Variants in KCNC4 observed in about 807,000 individuals in gnomAD.
KCNC4 encodes the protein voltage-gated potassium channel KCNC4.
KCNC4 carries 23 observed loss-of-function variants against 42.8 expected under a neutral mutation model. That is an observed-to-expected ratio of 0.54 (90% CI 0.39 to 0.76). KCNC4 has a LOEUF of 0.76. KCNC4 is among the 30% of genes least tolerant of loss of function. The probability of loss-of-function intolerance (pLI) is 0.00; values close to 1 mark genes in which losing one functional copy is unlikely to be tolerated. For synonymous variants in KCNC4, 422 were observed against 393.5 expected, an observed-to-expected ratio of 1.07 and a Z score of -0.86; for missense variants, 751 against 898.2, an observed-to-expected ratio of 0.84 and a Z score of 2.10.
At chr1:110,280,899 T>G in intron 1 of KCNC4, among the ~76,000 whole-genome samples, 1 of 152,200 alleles carries the variant, frequency 6.6e-6, no homozygotes, top group Non-Finnish European at 1.5e-5. Context: ...CAAATTGCTG[T>G]GTCACATTCC....
chr1:110,282,916 G>C (rs562714352), intron 2 of KCNC4: 2 of 152,258 alleles, frequency 1.3e-5, no homozygotes, highest in East Asian at 1.9e-4. Context: ...TGAGTGTCTT[G>C]GTTCATTTTG....
In KCNC4 at chr1:110,223,602, C is replaced by T. The variant is rs375280415; in HGVS notation, c.1317C>T (p.Tyr439=). 5.8e-5 allele frequency: 93 copies of T among 1,614,060 alleles called. 1 individual carries two copies. The highest frequency in any genetic ancestry group is 4.1e-4 in the African/African-American group (31 of 75,052). ...TGGTCACCATGACGACACTGGGCTA[C>T]GGAGACATGTACCCCAAGACGTGGT... ...WAVVTMTTLG[Y]GDMYPKTWSG... is the part of the protein sequence containing the mutation. Residue 439 remains tyrosine (Y), a synonymous_variant, in exon 2 of 4, where the codon TAC becomes TAT. Coordinates refer to ENST00000438661, the MANE Select transcript of KCNC4 (RefSeq NM_001039574.3). This position sits in a 1 kb window ranked among gnomAD's most constrained non-coding sequence, Gnocchi z 7.5.
intron 1 of KCNC4, among the ~76,000 whole-genome samples, chr1:110,277,509 T>C (rs1659745586): frequency 6.6e-6 from 1 of 152,216 alleles, no homozygotes; most frequent in African/African-American, 2.4e-5. Flanking sequence ...TAGATGAAAC[T>C]TAGGGCCTTC....
chr1:110,211,025 C>T lies in KCNC4; in HGVS notation c.-475C>T, dbSNP rs1270788023. On this transcript the variant is annotated 5_prime_UTR_variant, in exon 1 of 4. Coordinates refer to ENST00000438661, the MANE Select transcript of KCNC4 (RefSeq NM_001039574.3). The surrounding 1 kb of genome is among the most constrained non-coding windows in gnomAD (Gnocchi z 6.5). ...GGAGGACTTGTTGCTGCTGCGCTGC[C>T]GCCGCTGCGGGGAAGCCGGCTATTC... Among the ~76,000 whole-genome samples, 1 of 152,218 alleles carries T rather than the reference C, an allele frequency of 6.6e-6. No individual in the cohort carries two copies. The highest frequency in any genetic ancestry group is 1.5e-5 in the Non-Finnish European group (1 of 68,038).
rs966893561 is a variant in KCNC4 at position 110,223,045 on chromosome 1, G to A, written c.760G>A (p.Asp254Asn). 1.1e-5 allele frequency: 17 copies of A among 1,613,858 alleles called. No homozygotes were observed. Among genetic ancestry groups the A allele is most frequent in the East Asian group, 4.5e-5 (2 of 44,884 alleles). Reference sequence around the variant, plus strand: ...GGAGACCCATGAGGCCTTTAATATCGACCGCAACGTGACAGAGATCCTCCG... The same window carrying A: ...GGAGACCCATGAGGCCTTTAATATCAACCGCAACGTGACAGAGATCCTCCG... Reference protein sequence around the residue: ...CLETHEAFNIDRNVTEILRVG... With the variant: ...CLETHEAFNINRNVTEILRVG... Residue 254 changes from aspartate (D) to asparagine (N), a missense_variant, in exon 2 of 4, where the codon GAC (aspartate) becomes AAC (asparagine). By Grantham distance (23) the Asp-to-Asn change is conservative (BLOSUM62 1). Around this residue, in one of 4 missense-constraint regions of KCNC4, gnomAD observed 181 missense variants for 167.3 expected, o/e 1.08. Coordinates refer to ENST00000438661, the MANE Select transcript of KCNC4 (RefSeq NM_001039574.3). This position sits in a 1 kb window ranked among gnomAD's most constrained non-coding sequence, Gnocchi z 7.5.
chr1:110,257,362 T>G (rs997643265), intron 1 of KCNC4, among the ~76,000 whole-genome samples: 7 of 151,824 alleles, frequency 4.6e-5, no homozygotes, highest in African/African-American at 1.7e-4. Context: ...TTTAGTTCAG[T>G]CTTTCCTGTC....
intron 1 of KCNC4, among the ~76,000 whole-genome samples, chr1:110,215,622 G>C (rs777176075): frequency 2.0e-5 from 3 of 152,212 alleles, no homozygotes; most frequent in Non-Finnish European, 2.9e-5. Context: ...AGTAGAGGAG[G>C]GGACCCACAG....
chr1:110,267,049 C>T (rs1659551455), intron 1 of KCNC4, among the ~76,000 whole-genome samples: 1 of 152,250 alleles, frequency 6.6e-6, no homozygotes, highest in South Asian at 2.1e-4. Context: ...AAGCAGCCCG[C>T]ACGCCTCTGT....
At position 110,212,128 on chromosome 1, in the gene KCNC4, C is replaced by A; in HGVS notation, c.629C>A (p.Pro210His). Residue 210 changes from proline (P) to histidine (H), a missense_variant, in exon 1 of 4, where the codon CCC becomes CAC. Transcript: ENST00000438661. ...AGSGGCRGWQ[P>H]RMWALFEDPY... ...TCTGGGGGCTGCCGCGGCTGGCAGC[C>A]CCGCATGTGGGCGCTCTTCGAGGAT... The A allele has an allele frequency of 6.6e-7, 1 of 1,504,986 alleles. No individual in the cohort carries two copies. The highest frequency in any genetic ancestry group is 8.7e-7 in the Non-Finnish European group (1 of 1,143,596). 93.2% of individuals were successfully genotyped at this position (1,504,986 alleles called of 1,614,324 possible).
Position 110,211,701 on chromosome 1 carries a change from C to A in KCNC4, c.202C>A (p.Pro68Thr). Residue 68 changes from proline to threonine, a missense_variant, in exon 1 of 4, where the codon CCC becomes ACC. By Grantham distance (38) the Pro-to-Thr change is conservative (BLOSUM62 -1). Transcript: ENST00000438661. The surrounding 1 kb of genome is among the most constrained non-coding windows in gnomAD (Gnocchi z 6.5). ...PGTRLAWLAD[P>T]DGGGRPETDG... ...AACCCGCCTCGCCTGGCTGGCCGAC[C>A]CCGACGGCGGGGGCCGGCCCGAGAC... is the stretch of plus-strand genomic sequence containing the variant. The A allele has an allele frequency of 6.2e-7, 1 of 1,609,738 alleles. No individual in the cohort carries two copies. The highest frequency in any genetic ancestry group is 8.5e-7 in the Non-Finnish European group (1 of 1,178,070).
intron 1 of KCNC4, among the ~76,000 whole-genome samples, chr1:110,261,237 G>A (rs1659420255): frequency 1.3e-5 from 2 of 152,128 alleles, no homozygotes; most frequent in African/African-American, 4.8e-5. Flanking sequence ...AACACAAAAA[G>A]CCATATGCCC....
chr1:110,235,946 GTC>G (rs1170715877), downstream of KCNC4: 1 of 152,186 alleles, frequency 6.6e-6, no homozygotes, highest in African/African-American at 2.4e-5. Context: ...CTGAGGCCGT[GTC>G]TCTCTCATTG....
At chr1:110,234,441 T>C (rs1416429420), downstream of KCNC4, 1 of 152,244 alleles carries the variant, frequency 6.6e-6, no homozygotes, top group Non-Finnish European at 1.5e-5. Context: ...GCCAAAGTTA[T>C]TGGCTGGATG....
intron 1 of KCNC4, among the ~76,000 whole-genome samples, chr1:110,272,134 C>CTGGA (rs1659647112): frequency 6.6e-6 from 1 of 152,218 alleles, no homozygotes. Flanking sequence ...AAGGGACCAG[C>CTGGA]TGGACTGCCT....
chr1:110,232,682 T>A (rs1658756816), intron 3 of KCNC4: 1 of 1,477,452 alleles, frequency 6.8e-7, no homozygotes, highest in Non-Finnish European at 8.9e-7. Context: ...CCCTGACCCA[T>A]CCATGCTCTT....
chr1:110,276,616 C>T (rs992623247), intron 1 of KCNC4, among the ~76,000 whole-genome samples: 14 of 152,132 alleles, frequency 9.2e-5, no homozygotes, highest in Non-Finnish European at 1.8e-4. Flanking sequence ...TCAGGACCAT[C>T]CAGTCCAGCC....
chr1:110,256,583 A>G (rs1292986462), intron 1 of KCNC4, among the ~76,000 whole-genome samples: 1 of 152,232 alleles, frequency 6.6e-6, no homozygotes, highest in East Asian at 1.9e-4. Context: ...GTTGTGATTA[A>G]TGAAGACCTG....
Position 110,223,098 on chromosome 1 carries a change from C to G in KCNC4, c.813C>G (p.Phe271Leu), listed in dbSNP as rs1658191065. The G allele has an allele frequency of 1.2e-6, 2 of 1,614,216 alleles. No homozygotes were observed. Among genetic ancestry groups the G allele is most frequent in the Non-Finnish European group, 1.7e-6 (2 of 1,180,030 alleles). ...TAGGGAACATCACCAGCGTGCACTT[C>G]CGGCGGGAGGTAGAGACAGAGCCCA... ...LRVGNITSVH[F>L]RREVETEPIL... Residue 271 changes from phenylalanine to leucine, a missense_variant, in exon 2 of 4, where the codon TTC becomes TTG. By Grantham distance (22) the Phe-to-Leu change is conservative. This residue lies in a region of KCNC4 where 181 missense variants were observed against 167.3 expected (regional missense o/e 1.08). Coordinates refer to ENST00000438661, the MANE Select transcript of KCNC4 (RefSeq NM_001039574.3). The surrounding 1 kb of genome is among the most constrained non-coding windows in gnomAD (Gnocchi z 7.5).
chr1:110,251,814 C>A (rs1023095385), downstream of KCNC4, among the ~76,000 whole-genome samples: 4 of 152,226 alleles, frequency 2.6e-5, no homozygotes, highest in Admixed American at 2.6e-4. Flanking sequence ...CAACAAGGCA[C>A]AAAAGGTTAA....
Sources: gnomAD v4.1 joint callset for allele counts (sites outside exome capture counted in the v4.1 genomes callset) on GRCh38, gnomAD v4.1.1 for gene constraint, gnomAD v4.1.1 regional missense constraint, Gnocchi (gnomAD v3.1) non-coding constraint, MANE v1.5 for transcripts, NCBI Gene and HGNC (gene_info 2026-07-23, HGNC 2026-07-21) for gene names.